UGT2B4: variants seen among roughly 807,000 people sequenced by gnomAD.
UGT2B4 encodes UDP glucuronosyltransferase family 2 member B4.
Under a neutral mutation model 49.8 loss-of-function variants are expected in UGT2B4, and 49 were observed. The observed-to-expected ratio is 0.98, with a 90% CI of 0.78 to 1.25. The LOEUF (loss-of-function observed/expected upper bound fraction) is 1.25, where lower values mean the gene tolerates loss of function less well. Among genes scored for constraint, UGT2B4 ranks in the 50% most tolerant of loss-of-function variants. The probability of loss-of-function intolerance (pLI) is 0.00; values close to 1 mark genes in which losing one functional copy is unlikely to be tolerated. For synonymous variants in UGT2B4, 246 were observed against 217.7 expected, an observed-to-expected ratio of 1.13 and a Z score of -1.14; for missense variants, 729 against 627.7, an observed-to-expected ratio of 1.16 and a Z score of -1.73.
At chr4:69,502,091 C>CTGTTTCTT (rs1164693410) in intron 1 of UGT2B4, among the ~76,000 whole-genome samples, 2 of 108,418 alleles carry the variant, frequency 1.8e-5, no homozygotes, top group Admixed American at 2.0e-4. Flanking sequence ...TTCTTTCTCT[C>CTGTTTCTT]TCTTTCTTTC....
At chr4:69,481,317 A>G (rs932763098) in intron 5 of UGT2B4, among the ~76,000 whole-genome samples, 2 of 152,084 alleles carry the variant, frequency 1.3e-5, no homozygotes, top group African/African-American at 4.8e-5. Flanking sequence ...AAGTCCACGA[A>G]AGGTTTTTAA....
chr4:69,508,235 A>G (rs1028021575), intron 1 of UGT2B4, among the ~76,000 whole-genome samples: 2 of 152,166 alleles, frequency 1.3e-5, no homozygotes, highest in Non-Finnish European at 2.9e-5. Flanking sequence ...GAGAAAAAAT[A>G]AACACTATAT....
Position 69,480,437 on chromosome 4 carries a change from C to T in UGT2B4, c.*197G>A. 1 of 716,912 alleles carries T rather than the reference C, an allele frequency of 1.4e-6. No homozygotes were observed. Among genetic ancestry groups the T allele is most frequent in the Non-Finnish European group, 2.2e-6 (1 of 461,830 alleles). The allele number at this position is 716,912 out of a possible 1,614,324, so 44.4% of individuals were successfully genotyped here. A position where few individuals can be genotyped will look rare whatever the true frequency, so the allele number is the denominator to read the frequency against. ...TGGCTTTATATCATTTTTGTTTTCC[C>T]TAATGTTTTCCTCCTTGACATGAAA... is the stretch of plus-strand genomic sequence containing the variant. On this transcript the variant is annotated 3_prime_UTR_variant, in exon 6 of 6. Coordinates refer to ENST00000305107, the MANE Select transcript of UGT2B4 (RefSeq NM_021139.3).
At chr4:69,512,005 T>C (rs1438883044) in intron 1 of UGT2B4, among the ~76,000 whole-genome samples, 2 of 151,984 alleles carry the variant, frequency 1.3e-5, no homozygotes, top group Non-Finnish European at 2.9e-5. Flanking sequence ...TTGCAATGCC[T>C]CTTTCATTTT....
chr4:69,507,738 C>A (rs1035978433), intron 1 of UGT2B4, among the ~76,000 whole-genome samples: 1 of 152,062 alleles, frequency 6.6e-6, no homozygotes, highest in African/African-American at 2.4e-5. Context: ...AAATGTAAAA[C>A]CCAAAACTAT....
chr4:69,490,278 G>T (rs1293502637), intron 2 of UGT2B4, among the ~76,000 whole-genome samples: 1 of 152,120 alleles, frequency 6.6e-6, no homozygotes, highest in Non-Finnish European at 1.5e-5. Context: ...ACAGTATGTA[G>T]TTACATAGTC....
intron 1 of UGT2B4, among the ~76,000 whole-genome samples, chr4:69,511,559 C>G (rs1728603759): frequency 6.6e-6 from 1 of 152,006 alleles, no homozygotes; most frequent in Admixed American, 6.6e-5. Context: ...TCCCAATTTT[C>G]TGTTGAGGAA....
At chr4:69,483,725 A>T (rs958874422) in intron 5 of UGT2B4, among the ~76,000 whole-genome samples, 8 of 152,114 alleles carry the variant, frequency 5.3e-5, no homozygotes, top group Admixed American at 2.0e-4. Context: ...TGAATGCTGA[A>T]TTGATAGTAG....
chr4:69,494,615 T>G (rs770532909), intron 1 of UGT2B4, among the ~76,000 whole-genome samples: 76 of 152,144 alleles, frequency 5.0e-4, no homozygotes, highest in Non-Finnish European at 1.0e-3. Context: ...TCAAATAACA[T>G]GCATTGGTTT....
chr4:69,493,746 T>C lies in UGT2B4; in HGVS notation c.817A>G (p.Asn273Asp). 1 of 1,611,866 alleles carries C rather than the reference T, an allele frequency of 6.2e-7. No homozygotes were observed. Among genetic ancestry groups the C allele is most frequent in the Non-Finnish European group, 8.5e-7 (1 of 1,179,032 alleles). Reference protein sequence around the residue: ...DFQFPHPLLPNVEFVGGLHCK... With the variant: ...DFQFPHPLLPDVEFVGGLHCK... ...TGGAGTCCTCCAACGAACTCAACAT[T>C]TGGTAAGAGTGGGTGAGGAAATTGA... Residue 273 changes from asparagine to aspartate, a missense_variant, in exon 2 of 6, where the codon AAT becomes GAT. By Grantham distance (23) the Asn-to-Asp change is conservative. Transcript: ENST00000305107.
intron 1 of UGT2B4, among the ~76,000 whole-genome samples, chr4:69,515,834 G>A (rs1984755): frequency 0.14 from 21,585 of 152,074 alleles, 1,839 homozygotes; most frequent in Non-Finnish European, 0.19. Flanking sequence ...AAAGAAAACA[G>A]CATTATTACT....
chr4:69,507,353 G>A (rs1474521812), intron 1 of UGT2B4, among the ~76,000 whole-genome samples: 1 of 152,060 alleles, frequency 6.6e-6, no homozygotes, highest in Non-Finnish European at 1.5e-5. Context: ...GCTTTTTAAG[G>A]TGATAATTTC....
chr4:69,502,683 G>C (rs547585681), intron 1 of UGT2B4, among the ~76,000 whole-genome samples: 4 of 152,144 alleles, frequency 2.6e-5, no homozygotes, highest in South Asian at 2.1e-4. Flanking sequence ...AGCTATTAGC[G>C]ACTTGGAAAC....
intron 1 of UGT2B4, among the ~76,000 whole-genome samples, chr4:69,512,930 GT>G (rs1560442121): frequency 1.3e-5 from 2 of 151,962 alleles, no homozygotes; most frequent in Admixed American, 1.3e-4. Context: ...TGCTGGGGTT[GT>G]TTGTTTTTCT....
intron 3 of UGT2B4, 42 bp downstream of exon 3, chr4:69,489,397 T>A: frequency 6.2e-7 from 1 of 1,601,010 alleles, no homozygotes; most frequent in Non-Finnish European, 8.5e-7. Context: ...TTTAACAGCC[T>A]CTTTCAGTAG....
At chr4:69,525,693 C>A in exon 1 of UGT2B4, 1 of 1,279,556 alleles carries the variant, frequency 7.8e-7, no homozygotes, top group Non-Finnish European at 1.0e-6. Context: ...TTACCTAATC[C>A]ATTCGTTGAT....
At chr4:69,504,407 C>A (rs1385895697) in intron 1 of UGT2B4, among the ~76,000 whole-genome samples, 1 of 151,974 alleles carries the variant, frequency 6.6e-6, no homozygotes, top group Non-Finnish European at 1.5e-5. Context: ...AGAATGTAAC[C>A]AATCTGATAG....
intron 1 of UGT2B4, among the ~76,000 whole-genome samples, chr4:69,519,484 C>G (rs146199256): frequency 6.6e-6 from 1 of 152,172 alleles, no homozygotes; most frequent in African/African-American, 2.4e-5. Flanking sequence ...ATTCCTCCAT[C>G]TACTCAGATA....
In UGT2B4 at chr4:69,502,122, T is replaced by TTTCTTTCTTTCTTTCTTTCTTTC. The variant is rs1553896678; in HGVS notation, c.-105-6179_-105-6157dup. On this transcript the variant is annotated intron_variant, in intron 1 of 1. Coordinates refer to the UGT2B4 transcript ENST00000510114. The stretch of plus-strand genomic sequence containing the variant: ...CTTTCTTTCTTTCTTTCTTTCTTTC[T>TTTCTTTCTTTCTTTCTTTCTTTC]TTCTTTCTTTCTTTCTTTCTTTCTT... Among the ~76,000 whole-genome samples, 268 of 141,562 alleles carry TTTCTTTCTTTCTTTCTTTCTTTC rather than the reference T, an allele frequency of 1.9e-3. 8 individuals carry two copies. Among genetic ancestry groups the TTTCTTTCTTTCTTTCTTTCTTTC allele is most frequent in the African/African-American group, 6.2e-3 (224 of 36,016 alleles). 92.9% of individuals were successfully genotyped at this position (141,562 alleles called of 152,430 possible). A position where few individuals can be genotyped will look rare whatever the true frequency, so the allele number is the denominator to read the frequency against.
Sources: gnomAD v4.1 joint callset for allele counts (sites outside exome capture counted in the v4.1 genomes callset) on GRCh38, gnomAD v4.1.1 for gene constraint, MANE v1.5 for transcripts, NCBI Gene and HGNC (gene_info 2026-07-23, HGNC 2026-07-21) for gene names.